The following ERCC3 variants were observed in gnomAD, a reference collection of about 807,000 sequenced individuals.
ERCC3 encodes general transcription and DNA repair factor IIH helicase/translocase subunit XPB.
Under a neutral mutation model 94.2 loss-of-function variants are expected in ERCC3, and 66 were observed. The ratio of observed to expected loss-of-function variants is 0.70; its 90% CI spans 0.57 to 0.86. ERCC3 has a LOEUF of 0.86. ERCC3 is among the 40% of genes least tolerant of loss of function. ERCC3 has a pLI of 0.00. For missense variants in ERCC3, 829 were observed against 987.1 expected (o/e 0.84, Z 2.15); for synonymous variants, 349 against 369.1 (o/e 0.95, Z 0.63).
At position 127,274,810 on chromosome 2, in the gene ERCC3, G is replaced by C. The variant is rs4150479; in HGVS notation, c.1731-1849C>G. ...CAGTGGGGAGCCCTCAGTTTCTAAAGGTTCCCCCACACAGATGAAATAGAA... is the reference window on the plus strand; with the variant it reads ...CAGTGGGGAGCCCTCAGTTTCTAAACGTTCCCCCACACAGATGAAATAGAA... On this transcript the variant is annotated intron_variant, in intron 10 of 14. Coordinates refer to ENST00000285398, the MANE Select transcript of ERCC3 (RefSeq NM_000122.2). The surrounding 1 kb of genome is among the most constrained non-coding windows in gnomAD (Gnocchi z 4.0). Among the ~76,000 whole-genome samples the C allele has an allele frequency of 0.022, 3,396 of 152,258 alleles. 61 individuals carry two copies. Among genetic ancestry groups the C allele is most frequent in the Non-Finnish European group, 0.033 (2,217 of 68,028 alleles).
chr2:127,289,239 T>C, intron 6 of ERCC3, 98 bp downstream of exon 6: 1 of 1,101,910 alleles, frequency 9.1e-7, no homozygotes, highest in Non-Finnish European at 1.4e-6. Context: ...CAGGGACTCC[T>C]TCCTTTCACA....
chr2:127,286,697 G>C lies in ERCC3; in HGVS notation c.1342+6C>G, dbSNP rs1351753110. 4 of 1,613,656 alleles carry C rather than the reference G, an allele frequency of 2.5e-6. No individual in the cohort carries two copies. Among genetic ancestry groups the C allele is most frequent in the Admixed American group, 3.3e-5 (2 of 60,020 alleles). The stretch of plus-strand genomic sequence containing the variant: ...CAAGTGGACAGCTCAGCTCCAGCCT[G>C]CTTACCTGGTATGGTGTGCACTTCA... On this transcript the variant is annotated splice_donor_region_variant and intron_variant, in intron 8 of 14. Transcript: ENST00000285398.
At position 127,271,603 on chromosome 2, in the gene ERCC3, G is replaced by T; in HGVS notation, c.1828-150C>A. On this transcript the variant is annotated intron_variant, in intron 11 of 14. Transcript: ENST00000285398. The surrounding 1 kb of genome is among the most constrained non-coding windows in gnomAD (Gnocchi z 5.0). ...GGTCTATCTGATGCAGGCAGAGAGA[G>T]GTGAAGCAATAAACCTCAGAAAGGC... 1.5e-6 allele frequency: 1 copy of T among 679,112 alleles called. No homozygotes were observed. 42.1% of individuals were successfully genotyped at this position (679,112 alleles called of 1,614,324 possible). A position where few individuals can be genotyped will look rare whatever the true frequency, so the allele number is the denominator to read the frequency against.
intron 12 of ERCC3, among the ~76,000 whole-genome samples, chr2:127,269,970 G>A (rs559941136): frequency 5.8e-4 from 89 of 152,220 alleles, no homozygotes; most frequent in African/African-American, 1.8e-3. Context: ...GCAGTGAGCC[G>A]AGATTGTGCC....
chr2:127,264,430 C>T lies in ERCC3; in HGVS notation c.1946-3084G>A, dbSNP rs1211922431. Among the ~76,000 whole-genome samples the T allele has an allele frequency of 6.6e-6, 1 of 152,292 alleles. No individual in the cohort carries two copies. Among genetic ancestry groups the T allele is most frequent in the Admixed American group, 6.5e-5 (1 of 15,300 alleles). ...GCAGTGAGCCAAGATTGCACCATTG[C>T]ACTCCAGCCTGGGCAACAAGAGCAA... On this transcript the variant is annotated intron_variant, in intron 12 of 14. Transcript: ENST00000285398. The surrounding 1 kb of genome is among the most constrained non-coding windows in gnomAD (Gnocchi z 4.4).
At chr2:127,287,992 G>A (rs552177910) in intron 7 of ERCC3, among the ~76,000 whole-genome samples, 1 of 152,216 alleles carries the variant, frequency 6.6e-6, no homozygotes, top group South Asian at 2.1e-4. Context: ...AAATAAAAAA[G>A]GAAAACAACA....
At chr2:127,273,147 T>C (rs1478992020) in intron 10 of ERCC3, among the ~76,000 whole-genome samples, 186 bp from the exon 11 acceptor site, 1 of 152,200 alleles carries the variant, frequency 6.6e-6, no homozygotes, top group Non-Finnish European at 1.5e-5. Flanking sequence ...CCACTGATTC[T>C]AGGTTTAGGC....
chr2:127,273,485 C>T (rs1684630582), intron 10 of ERCC3, among the ~76,000 whole-genome samples: 1 of 152,100 alleles, frequency 6.6e-6, no homozygotes, highest in African/African-American at 2.4e-5. Flanking sequence ...CGCGGTGGTT[C>T]ACGCCTGTAA....
At position 127,259,746 on chromosome 2, in the gene ERCC3, G is replaced by C; in HGVS notation, c.2065-298C>G. The C allele has an allele frequency of 2.3e-6, 1 of 427,538 alleles. No homozygotes were observed. Among genetic ancestry groups the C allele is most frequent in the South Asian group, 2.1e-5 (1 of 47,156 alleles). The allele number at this position is 427,538 out of a possible 1,614,324, so 26.5% of individuals were successfully genotyped here. A position where few individuals can be genotyped will look rare whatever the true frequency, so the allele number is the denominator to read the frequency against. ...GAAGATCAACAGGAAGAATCTTAGTGATTTTAAAAGGCTCCTTCGGGTAGC... is the reference window on the plus strand; with the variant it reads ...GAAGATCAACAGGAAGAATCTTAGTCATTTTAAAAGGCTCCTTCGGGTAGC... On this transcript the variant is annotated intron_variant, in intron 13 of 14. Coordinates refer to ENST00000285398, the MANE Select transcript of ERCC3 (RefSeq NM_000122.2). The surrounding 1 kb of genome is among the most constrained non-coding windows in gnomAD (Gnocchi z 4.9).
chr2:127,261,102 AG>A, intron 13 of ERCC3, 125 bp downstream of exon 13: 2 of 740,846 alleles, frequency 2.7e-6, no homozygotes, highest in Non-Finnish European at 5.0e-6. Flanking sequence ...AGGGAGTTTG[AG>A]GCAAGGCCTC....
chr2:127,259,833 T>G lies in ERCC3; in HGVS notation c.2065-385A>C. On this transcript the variant is annotated intron_variant, in intron 13 of 14. Transcript: ENST00000285398. This position sits in a 1 kb window ranked among gnomAD's most constrained non-coding sequence, Gnocchi z 4.9. ...GACTGGAAGGCACAGGCTGTGGCCC[T>G]TTGTGAAGGTCCCTGGCATCTGCTG... is the stretch of plus-strand genomic sequence containing the variant. 1 of 332,512 alleles carries G rather than the reference T, an allele frequency of 3.0e-6. No individual in the cohort carries two copies. Among genetic ancestry groups the G allele is most frequent in the Admixed American group, 4.2e-5 (1 of 23,640 alleles). The allele number at this position is 332,512 out of a possible 1,614,324, so 20.6% of individuals were successfully genotyped here. A position where few individuals can be genotyped will look rare whatever the true frequency, so the allele number is the denominator to read the frequency against.
rs568353905 is a variant in ERCC3, at chr2:127,280,140, G to C, written c.1527+307C>G. ...CCCAGGCAGCACTGTGGTATCAGGG[G>C]CCTTCATTCATCCCTGTGCCCTGAA... On this transcript the variant is annotated intron_variant, in intron 9 of 14. Coordinates refer to ENST00000285398, the MANE Select transcript of ERCC3 (RefSeq NM_000122.2). This position sits in a 1 kb window ranked among gnomAD's most constrained non-coding sequence, Gnocchi z 6.3. Among the ~76,000 whole-genome samples the C allele has an allele frequency of 9.8e-5, 15 of 152,302 alleles. No individual in the cohort carries two copies. Among genetic ancestry groups the C allele is most frequent in the African/African-American group, 2.9e-4 (12 of 41,560 alleles).
chr2:127,260,501 T>C (rs1684158955), intron 13 of ERCC3: 1 of 152,464 alleles, frequency 6.6e-6, no homozygotes, highest in African/African-American at 2.4e-5. Context: ...TCACTGCCTC[T>C]AGCTAAAAGA....
chr2:127,276,970 C>T (rs1354944816), intron 10 of ERCC3, among the ~76,000 whole-genome samples: 2 of 152,126 alleles, frequency 1.3e-5, no homozygotes, highest in African/African-American at 2.4e-5. Flanking sequence ...AGTATAAAGT[C>T]GAGTAAAGAC....
intron 12 of ERCC3, among the ~76,000 whole-genome samples, chr2:127,269,568 C>A (rs1238305996): frequency 1.3e-5 from 2 of 151,158 alleles, no homozygotes; most frequent in Admixed American, 6.6e-5. Flanking sequence ...ACTACAGGCA[C>A]CCGCCACCAC....
At chr2:127,269,280 A>G (rs1573937157) in intron 12 of ERCC3, among the ~76,000 whole-genome samples, 1 of 152,326 alleles carries the variant, frequency 6.6e-6, no homozygotes, top group South Asian at 2.1e-4. Context: ...TTTGCTTTGT[A>G]GTTCAAATGT....
rs1573923744 is a variant in ERCC3, at chr2:127,257,541, C to T, written c.*55G>A. ...GAAGGAAAATGTTATGCTGAAAATC[C>T]CTTTCCAACAAGGGTGCCAAGCGCC... On this transcript the variant is annotated 3_prime_UTR_variant, in exon 15 of 15. Coordinates refer to ENST00000285398, the MANE Select transcript of ERCC3 (RefSeq NM_000122.2). The surrounding 1 kb of genome is among the most constrained non-coding windows in gnomAD (Gnocchi z 5.4). The T allele has an allele frequency of 1.2e-6, 2 of 1,608,430 alleles. No individual in the cohort carries two copies.
At chr2:127,260,418 G>A (rs1286979740) in intron 13 of ERCC3, 1 of 152,226 alleles carries the variant, frequency 6.6e-6, no homozygotes, top group Non-Finnish European at 1.5e-5. Flanking sequence ...AGGTCATGAT[G>A]CAAATCCTCC....
chr2:127,280,389 C>A lies in ERCC3; in HGVS notation c.1527+58G>T. Reference sequence around the variant, plus strand: ...TGCCCATGAGGAATCGATCTGATCACTCCCCTGCCCATAGGAGGAGGCCCT... The same window carrying A: ...TGCCCATGAGGAATCGATCTGATCAATCCCCTGCCCATAGGAGGAGGCCCT... On this transcript the variant is annotated intron_variant, in intron 9 of 14. Coordinates refer to ENST00000285398, the MANE Select transcript of ERCC3 (RefSeq NM_000122.2). The surrounding 1 kb of genome is among the most constrained non-coding windows in gnomAD (Gnocchi z 6.3). The A allele has an allele frequency of 6.8e-7, 1 of 1,474,634 alleles. No individual in the cohort carries two copies. The highest frequency in any genetic ancestry group is 1.2e-5 in the South Asian group (1 of 84,020). 91.3% of individuals were successfully genotyped at this position (1,474,634 alleles called of 1,614,324 possible). A position where few individuals can be genotyped will look rare whatever the true frequency, so the allele number is the denominator to read the frequency against.
Sources: gnomAD v4.1 joint callset for allele counts (sites outside exome capture counted in the v4.1 genomes callset) on GRCh38, gnomAD v4.1.1 for gene constraint, Gnocchi (gnomAD v3.1) non-coding constraint, MANE v1.5 for transcripts, NCBI Gene and HGNC (gene_info 2026-07-23, HGNC 2026-07-21) for gene names.